The following HGD variants were observed in gnomAD, a reference collection of about 807,000 sequenced individuals.
HGD encodes homogentisate oxidase.
HGD carries 61 observed loss-of-function variants against 60.8 expected under a neutral mutation model. The observed-to-expected ratio is 1.00, with a 90% CI of 0.82 to 1.24. The LOEUF (loss-of-function observed/expected upper bound fraction) is 1.24. Ranked by LOEUF, HGD falls within the 50% of genes most tolerant of loss-of-function variation. The probability of loss-of-function intolerance (pLI) is 0.00; values close to 1 mark genes in which losing one functional copy is unlikely to be tolerated. For synonymous variants in HGD, 212 were observed against 187.7 expected, an observed-to-expected ratio of 1.13 and a Z score of -1.06; for missense variants, 542 against 547.1, an observed-to-expected ratio of 0.99 and a Z score of 0.09.
intron 11 of HGD, among the ~76,000 whole-genome samples, chr3:120,639,216 C>T (rs1412471832): frequency 6.6e-6 from 1 of 152,188 alleles, no homozygotes; most frequent in East Asian, 1.9e-4. Flanking sequence ...CCTCCCCCTT[C>T]TAGTAGTCTC....
chr3:120,656,562 T>TG (rs1941500682), intron 4 of HGD, among the ~76,000 whole-genome samples: 1 of 118,146 alleles, frequency 8.5e-6, no homozygotes, highest in South Asian at 3.0e-4. Flanking sequence ...GATCTTTTTT[T>TG]TGGGGGGGGG....
rs1289996189 is a variant in HGD, at chr3:120,674,884, T to TC, written c.176+16dup. 1 of 1,556,484 alleles carries TC rather than the reference T, an allele frequency of 6.4e-7. No individual in the cohort carries two copies. Reference sequence around the variant, plus strand: ...GTACCCACAGTCTGCAGGTCAGAATTCATCTAATCCTTGTACCTTCTCTTA... The same window carrying TC: ...GTACCCACAGTCTGCAGGTCAGAATTCCATCTAATCCTTGTACCTTCTCTTA... On this transcript the variant is annotated intron_variant, in intron 3 of 13. Transcript: ENST00000283871.
At chr3:120,680,469 G>C (rs1708211710) in intron 1 of HGD, among the ~76,000 whole-genome samples, 1 of 152,180 alleles carries the variant, frequency 6.6e-6, no homozygotes, top group South Asian at 2.1e-4. Flanking sequence ...TTGATGTCCT[G>C]GTGCTGTGCA....
intron 9 of HGD, chr3:120,644,750 T>C (rs563391375): frequency 7.7e-6 from 5 of 649,958 alleles, no homozygotes; most frequent in African/African-American, 7.5e-5. Flanking sequence ...GAAAGAGAAC[T>C]GAAAAGAGGA....
intron 4 of HGD, among the ~76,000 whole-genome samples, chr3:120,653,423 G>T (rs1159285003): frequency 6.6e-6 from 1 of 152,126 alleles, no homozygotes; most frequent in Non-Finnish European, 1.5e-5. Flanking sequence ...GGAGCGACCC[G>T]CACCCTGAAG....
chr3:120,646,436 G>A (rs1941166027), intron 8 of HGD, 70 bp from the exon 9 acceptor site: 1 of 955,344 alleles, frequency 1.0e-6, no homozygotes, highest in Non-Finnish European at 1.7e-6. Context: ...GCTGCCCAGA[G>A]CCATAGCCCA....
chr3:120,646,505 A>T, intron 8 of HGD, 139 bp from the exon 9 acceptor site: 1 of 666,462 alleles, frequency 1.5e-6, no homozygotes. Flanking sequence ...GACCAGAGCA[A>T]ACATGAAAAA....
At chr3:120,681,996 CCT>C in intron 1 of HGD, 99 bp downstream of exon 1, 1 of 1,057,346 alleles carries the variant, frequency 9.5e-7, no homozygotes, top group South Asian at 1.2e-5. Flanking sequence ...TGAACCAGGG[CCT>C]CTCTAAGTCT....
intron 6 of HGD, among the ~76,000 whole-genome samples, chr3:120,648,674 C>G (rs990547958): frequency 6.6e-6 from 1 of 152,120 alleles, no homozygotes; most frequent in African/African-American, 2.4e-5. Context: ...AATGGGTGGT[C>G]CTAATGGAAA....
intron 2 of HGD, among the ~76,000 whole-genome samples, chr3:120,675,373 G>T (rs1708107793): frequency 6.6e-6 from 1 of 150,628 alleles, no homozygotes. Context: ...GCTATGATAC[G>T]GCCTGCAAAA....
At chr3:120,643,959 G>A (rs920830906) in intron 10 of HGD, among the ~76,000 whole-genome samples, 4 of 152,120 alleles carry the variant, frequency 2.6e-5, no homozygotes, top group African/African-American at 9.7e-5. Flanking sequence ...TTACTTTTCA[G>A]AACATATTAT....
chr3:120,660,140 C>T (rs2107532500), intron 4 of HGD, among the ~76,000 whole-genome samples: 1 of 152,260 alleles, frequency 6.6e-6, no homozygotes, highest in East Asian at 1.9e-4. Flanking sequence ...TGATTGGAAG[C>T]ATCCTGAGGC....
At chr3:120,644,014 A>G (rs10511397) in intron 10 of HGD, among the ~76,000 whole-genome samples, 14,159 of 152,248 alleles carry the variant, frequency 0.093, 751 homozygotes, top group East Asian at 0.19. Flanking sequence ...AGAAACCTAC[A>G]TATTGCTAAT....
intron 1 of HGD, among the ~76,000 whole-genome samples, chr3:120,677,547 A>G (rs1708154390): frequency 1.3e-5 from 2 of 152,054 alleles, no homozygotes; most frequent in Admixed American, 1.3e-4. Flanking sequence ...GATCCTAAAA[A>G]CCCTGTCTCC....
At chr3:120,670,606 G>A (rs1708005748) in intron 3 of HGD, 74 bp from the exon 4 acceptor site, 1 of 866,754 alleles carries the variant, frequency 1.2e-6, no homozygotes, top group Admixed American at 1.7e-5. Flanking sequence ...GGCTCAGGCA[G>A]TACCATCAGG....
At chr3:120,639,922 T>G (rs1940914930) in intron 11 of HGD, among the ~76,000 whole-genome samples, 1 of 152,112 alleles carries the variant, frequency 6.6e-6, no homozygotes, top group Admixed American at 6.6e-5. Flanking sequence ...TTAATTGAAA[T>G]CAACAATCAT....
chr3:120,630,986 C>A (rs1019777547), intron 13 of HGD, among the ~76,000 whole-genome samples: 5 of 151,142 alleles, frequency 3.3e-5, no homozygotes, highest in Admixed American at 3.3e-4. Flanking sequence ...GAACAGAAAA[C>A]CAAATATTGT....
chr3:120,663,481 A>G (rs1410713611), intron 4 of HGD, among the ~76,000 whole-genome samples: 1 of 152,220 alleles, frequency 6.6e-6, no homozygotes, highest in African/African-American at 2.4e-5. Flanking sequence ...GCTTGTGCAG[A>G]TAGACTACCT....
At chr3:120,638,415 C>G in intron 12 of HGD, 40 bp downstream of exon 12, 1 of 1,613,100 alleles carries the variant, frequency 6.2e-7, no homozygotes, top group South Asian at 1.1e-5. Flanking sequence ...TTTGTTGTCT[C>G]TTTGGCTTGC....
Sources: gnomAD v4.1 joint callset for allele counts (sites outside exome capture counted in the v4.1 genomes callset) on GRCh38, gnomAD v4.1.1 for gene constraint, MANE v1.5 for transcripts, NCBI Gene and HGNC (gene_info 2026-07-23, HGNC 2026-07-21) for gene names.